Variants in CHSY3 observed in about 807,000 individuals in gnomAD.
The protein encoded by CHSY3 is N-acetylgalactosaminyl-proteoglycan 3-beta-glucuronosyltransferase 3.
CHSY3 carries 35 observed loss-of-function variants against 67.2 expected under a neutral mutation model. The ratio of observed to expected loss-of-function variants is 0.52; its 90% CI spans 0.40 to 0.69. The LOEUF (loss-of-function observed/expected upper bound fraction) is 0.69, where lower values mean the gene tolerates loss of function less well. Among genes scored for constraint, CHSY3 ranks in the 30% least tolerant of loss-of-function variants. CHSY3 has a pLI of 0.00. For missense variants in CHSY3, 1,069 were observed against 1,138.5 expected (o/e 0.94, Z 0.88); for synonymous variants, 474 against 434.7 (o/e 1.09, Z -1.12).
intron 2 of CHSY3, among the ~76,000 whole-genome samples, chr5:130,034,123 G>A (rs1418716822): frequency 1.3e-5 from 2 of 152,002 alleles, no homozygotes; most frequent in African/African-American, 4.8e-5. Context: ...TTGTTTTGGT[G>A]TTTATCATAT....
chr5:130,134,558 G>A lies in CHSY3; in HGVS notation c.1087-49671G>A, dbSNP rs139378262. ...CCTGAGCAGGGACTTTATCTCTTGAGAGGAGAGACTTAGTTTGGTTTAAAT... is the reference window on the plus strand; with the variant it reads ...CCTGAGCAGGGACTTTATCTCTTGAAAGGAGAGACTTAGTTTGGTTTAAAT... On this transcript the variant is annotated intron_variant, in intron 2 of 2. Coordinates refer to ENST00000305031, the MANE Select transcript of CHSY3 (RefSeq NM_175856.5). Among the ~76,000 whole-genome samples, 1,419 of 152,218 alleles carry A rather than the reference G, an allele frequency of 9.3e-3. 17 individuals carry two copies. The highest frequency in any genetic ancestry group is 0.032 in the African/African-American group (1,316 of 41,540).
intron 2 of CHSY3, among the ~76,000 whole-genome samples, chr5:129,986,392 G>A (rs1175668660): frequency 6.6e-6 from 1 of 152,106 alleles, no homozygotes; most frequent in Non-Finnish European, 1.5e-5. Context: ...GTATGTGGTG[G>A]ATTAGCTTTT....
chr5:129,992,075 G>A (rs956352666), intron 2 of CHSY3, among the ~76,000 whole-genome samples: 1 of 152,266 alleles, frequency 6.6e-6, no homozygotes, highest in Non-Finnish European at 1.5e-5. Context: ...TTGTTTTGTA[G>A]CTTGCCTTTG....
At chr5:129,997,236 A>C (rs1350844835) in intron 2 of CHSY3, among the ~76,000 whole-genome samples, 1 of 152,202 alleles carries the variant, frequency 6.6e-6, no homozygotes, top group East Asian at 1.9e-4. Flanking sequence ...CCAATATATG[A>C]CAATATATGC....
intron 2 of CHSY3, among the ~76,000 whole-genome samples, chr5:129,972,000 C>T (rs1316626639): frequency 2.0e-5 from 3 of 152,024 alleles, no homozygotes; most frequent in Non-Finnish European, 2.9e-5. Flanking sequence ...TGAAGGGCTG[C>T]TTCCCCTAGA....
chr5:130,070,548 A>G (rs1011045399), intron 2 of CHSY3, among the ~76,000 whole-genome samples: 19 of 152,116 alleles, frequency 1.2e-4, no homozygotes, highest in Non-Finnish European at 2.8e-4. Flanking sequence ...ACAAATGTTC[A>G]ATTAACTATA....
intron 2 of CHSY3, among the ~76,000 whole-genome samples, chr5:130,072,487 C>T (rs1038849355): frequency 6.6e-6 from 1 of 152,034 alleles, no homozygotes; most frequent in African/African-American, 2.4e-5. Flanking sequence ...GGGTTTGTTT[C>T]TGGGCTTTCT....
Position 130,065,064 on chromosome 5 carries a change from T to C in CHSY3, c.1087-119165T>C, listed in dbSNP as rs535398149. ...AATAGAACTTGGTTTCTGTAACTCATTCATCTGGAAGAAGTCCTTTATTTT... is the reference window on the plus strand; with the variant it reads ...AATAGAACTTGGTTTCTGTAACTCACTCATCTGGAAGAAGTCCTTTATTTT... On this transcript the variant is annotated intron_variant, in intron 2 of 2. Transcript: ENST00000305031. Among the ~76,000 whole-genome samples, 10 of 152,304 alleles carry C rather than the reference T, an allele frequency of 6.6e-5. No homozygotes were observed. The South Asian group carries it at 2.1e-3, about 32-fold the overall frequency.
At chr5:129,958,300 A>G (rs1237093292) in intron 2 of CHSY3, among the ~76,000 whole-genome samples, 1 of 152,074 alleles carries the variant, frequency 6.6e-6, no homozygotes, top group Non-Finnish European at 1.5e-5. Context: ...CTAATTATGC[A>G]GTGTGGATTT....
At chr5:130,154,296 C>A (rs1263099824) in intron 2 of CHSY3, among the ~76,000 whole-genome samples, 1 of 152,186 alleles carries the variant, frequency 6.6e-6, no homozygotes, top group African/African-American at 2.4e-5. Context: ...CTTCCTTTAA[C>A]ATAAGACAAA....
Position 130,024,393 on chromosome 5 carries a change from G to GTT in CHSY3, c.1086+116033_1086+116034insTT, listed in dbSNP as rs201836281. On this transcript the variant is annotated intron_variant, in intron 2 of 2. Transcript: ENST00000305031. ...ATTGCAGCAGTCTGTATTTTACTGA[G>GTT]CCTTTACTTGATTAATGTAAGGAAA... is the stretch of plus-strand genomic sequence containing the variant. 5.7e-3 allele frequency among the ~76,000 whole-genome samples: 870 copies of GTT among 152,058 alleles called. 9 individuals carry two copies. Among genetic ancestry groups the GTT allele is most frequent in the African/African-American group, 0.02 (840 of 41,528 alleles).
Position 130,173,851 on chromosome 5 carries a change from C to T in CHSY3, c.1087-10378C>T, listed in dbSNP as rs140953974. Among the ~76,000 whole-genome samples, 8 of 150,936 alleles carry T rather than the reference C, an allele frequency of 5.3e-5. No individual in the cohort carries two copies. The East Asian group carries it at 1.6e-3, about 29-fold the overall frequency. On this transcript the variant is annotated intron_variant, in intron 2 of 2. Transcript: ENST00000305031. ...GAATCAGGCTTTTTTTTTTATTTTA[C>T]CATTATTACCAGAGAAGTAGGGCAC...
At chr5:130,131,105 T>G (rs1340406910) in intron 2 of CHSY3, among the ~76,000 whole-genome samples, 1 of 152,230 alleles carries the variant, frequency 6.6e-6, no homozygotes, top group Non-Finnish European at 1.5e-5. Context: ...CAGAAAGGAC[T>G]GAACTAAAAC....
At chr5:129,928,057 T>A (rs563760982) in intron 2 of CHSY3, among the ~76,000 whole-genome samples, 1 of 151,812 alleles carries the variant, frequency 6.6e-6, no homozygotes, top group African/African-American at 2.4e-5. Context: ...AACTTTTAAG[T>A]TCGGGAGTAC....
chr5:129,905,056 C>T lies in CHSY3; in HGVS notation c.227C>T (p.Pro76Leu), dbSNP rs774905403. Residue 76 changes from proline (P) to leucine (L), a missense_variant, in exon 1 of 3, where the codon CCG (proline) becomes CTG (leucine). Around this residue, in one of 5 missense-constraint regions of CHSY3, gnomAD observed 309 missense variants for 262.5 expected, o/e 1.18. Transcript: ENST00000305031. ...PQSRPRQEQS[P>L]PPARQDLQGP... is the part of the protein sequence containing the mutation. ...TCCCGACCACGGCAGGAGCAGTCGC[C>T]GCCCCCCGCGCGCCAGGATCTCCAG... 5 of 1,546,662 alleles carry T rather than the reference C, an allele frequency of 3.2e-6. No individual in the cohort carries two copies. Among genetic ancestry groups the T allele is most frequent in the Admixed American group, 1.9e-5 (1 of 53,696 alleles).
chr5:130,095,160 G>T (rs1303876232), intron 2 of CHSY3, among the ~76,000 whole-genome samples: 1 of 152,090 alleles, frequency 6.6e-6, no homozygotes, highest in East Asian at 1.9e-4. Flanking sequence ...GCTTACATAT[G>T]CATGAGTTAA....
intron 2 of CHSY3, among the ~76,000 whole-genome samples, chr5:130,010,641 C>G (rs955094667): frequency 6.6e-6 from 1 of 151,960 alleles, no homozygotes; most frequent in Non-Finnish European, 1.5e-5. Context: ...AAACTTAGAG[C>G]TGAACAGAGT....
chr5:129,999,054 T>C (rs1289824224), intron 2 of CHSY3, among the ~76,000 whole-genome samples: 3 of 151,854 alleles, frequency 2.0e-5, no homozygotes, highest in Non-Finnish European at 2.9e-5. Flanking sequence ...TTTTTAAAAA[T>C]GTTTAAAACC....
At chr5:130,116,863 C>CT (rs10610925) in intron 2 of CHSY3, among the ~76,000 whole-genome samples, 7,144 of 148,870 alleles carry the variant, frequency 0.048, 552 homozygotes, top group African/African-American at 0.16. Flanking sequence ...CTAGCTTTGT[C>CT]TTTTTTTTTT....
Sources: gnomAD v4.1 joint callset for allele counts (sites outside exome capture counted in the v4.1 genomes callset) on GRCh38, gnomAD v4.1.1 for gene constraint, gnomAD v4.1.1 regional missense constraint, MANE v1.5 for transcripts, NCBI Gene and HGNC (gene_info 2026-07-23, HGNC 2026-07-21) for gene names.